The following EHBP1L1 variants were observed in gnomAD, a reference collection of about 807,000 sequenced individuals.
EHBP1L1 encodes the protein EH domain-binding protein 1-like protein 1.
EHBP1L1 carries 122 observed loss-of-function variants against 151.1 expected under a neutral mutation model. That is an observed-to-expected ratio of 0.81 (90% confidence interval 0.70 to 0.94). EHBP1L1 has a LOEUF of 0.94. EHBP1L1 is among the 40% of genes least tolerant of loss of function. EHBP1L1 has a pLI of 0.00. For synonymous variants in EHBP1L1, 878 were observed against 810.1 expected (o/e 1.08, Z -1.42); for missense variants, 1,941 against 1,959.8 (o/e 0.99, Z 0.18).
intron 4 of EHBP1L1, 41 bp from the exon 5 acceptor site, chr11:65,580,040 G>A (rs749317488): frequency 8.1e-6 from 13 of 1,613,442 alleles, no homozygotes; most frequent in East Asian, 4.5e-5. Flanking sequence ...CCCTGGGACA[G>A]CACTGATGCC....
Position 65,581,702 on chromosome 11 carries a change from C to T in EHBP1L1, c.1030C>T (p.Gln344Ter), listed in dbSNP as rs1215321059. Residue 344 changes from glutamine (Q) to a stop codon, truncating the protein, a stop_gained, in exon 9 of 19, where the codon CAG (glutamine) becomes TAG (stop). Coordinates refer to ENST00000309295, the MANE Select transcript of EHBP1L1 (RefSeq NM_001099409.3). LOFTEE classifies it high-confidence loss of function. Reference protein sequence around the residue: ...GLGSARETQAQACPQEGTEAH... With the variant: ...GLGSARETQA ...GGGCTCTGCTAGGGAGACCCAGGCC[C>T]AGGCATGCCCTCAGGAAGGGACAGA... is the stretch of plus-strand genomic sequence containing the variant. 1 of 1,582,484 alleles carries T rather than the reference C, an allele frequency of 6.3e-7. No individual in the cohort carries two copies. Among genetic ancestry groups the T allele is most frequent in the East Asian group, 2.3e-5 (1 of 43,172 alleles).
rs1454783605 is a variant in EHBP1L1, at chr11:65,589,966, C to T, written c.4034C>T (p.Pro1345Leu). ...AGTTCCCCCTCGGAGGAACCACCCC[C>T]AAGCCCAGGGGAGGAGGCTGGGCTG... ...GGSSPSEEPP[P>L]SPGEEAGLQR... The change falls in exon 14 of 19, where the codon CCA (proline) becomes CTA (leucine). Residue 1345 changes from proline (P) to leucine (L), a missense_variant. By Grantham distance (98) the Pro-to-Leu change is moderately conservative. Coordinates refer to ENST00000309295, the MANE Select transcript of EHBP1L1 (RefSeq NM_001099409.3). 2 of 1,586,086 alleles carry T rather than the reference C, an allele frequency of 1.3e-6. No individual in the cohort carries two copies. Among genetic ancestry groups the T allele is most frequent in the African/African-American group, 2.7e-5 (2 of 74,292 alleles).
At position 65,583,184 on chromosome 11, in the gene EHBP1L1, G is replaced by A. The variant is rs115317213; in HGVS notation, c.2512G>A (p.Val838Ile). 326 of 1,612,958 alleles carry A rather than the reference G, an allele frequency of 2.0e-4. 1 individual carries two copies. The African/African-American group carries it at 3.9e-3, about 19-fold the overall frequency. Residue 838 changes from valine to isoleucine, a missense_variant, in exon 9 of 19, where the codon GTA becomes ATA. By Grantham distance (29) the Val-to-Ile change is conservative. Coordinates refer to ENST00000309295, the MANE Select transcript of EHBP1L1 (RefSeq NM_001099409.3). The stretch of plus-strand genomic sequence containing the variant: ...AGGGGTCCCAGGGCTAGAATCTGAG[G>A]TAGCTGGGGCCCAGGAGACAGAGGT... ...SSGVPGLESE[V>I]AGAQETEVGG... is the part of the protein sequence containing the mutation.
Position 65,579,962 on chromosome 11 carries a change from C to G in EHBP1L1, c.285C>G (p.Ala95=), listed in dbSNP as rs778624595. The part of the protein sequence containing the change: ...YRDPHVDQYE[A]KEWTFIIENE... ...ACCCCCACGTGGACCAGTATGAGGC[C>G]AAAGAGTGGACATTTATTATTGAAA... The change falls in exon 4 of 19, where the codon GCC becomes GCG. Residue 95 remains alanine, a synonymous_variant. Coordinates refer to ENST00000309295, the MANE Select transcript of EHBP1L1 (RefSeq NM_001099409.3). 2 of 1,613,872 alleles carry G rather than the reference C, an allele frequency of 1.2e-6. No homozygotes were observed. Among genetic ancestry groups the G allele is most frequent in the Admixed American group, 3.3e-5 (2 of 60,012 alleles).
Position 65,590,583 on chromosome 11 carries a change from T to C in EHBP1L1, c.4274T>C (p.Leu1425Pro). The C allele has an allele frequency of 6.2e-7, 1 of 1,613,480 alleles. No homozygotes were observed. Among genetic ancestry groups the C allele is most frequent in the Non-Finnish European group, 8.5e-7 (1 of 1,179,820 alleles). Reference protein sequence around the residue: ...KNALIRRQDQLQLLMEEQDLE... With the variant: ...KNALIRRQDQPQLLMEEQDLE... ...GCTCTCATCCGGAGGCAGGACCAGC[T>C]GCAGCTGCTGTGAGTGCTGGCCCCG... The change falls in exon 16 of 19, where the codon CTG becomes CCG. Residue 1425 changes from leucine (L) to proline (P), a missense_variant. Leu to Pro is a moderately conservative substitution (Grantham distance 98, BLOSUM62 -3). Coordinates refer to ENST00000309295, the MANE Select transcript of EHBP1L1 (RefSeq NM_001099409.3).
chr11:65,580,843 C>T (rs1857561797), intron 6 of EHBP1L1: 2 of 1,256,590 alleles, frequency 1.6e-6, no homozygotes, highest in South Asian at 3.4e-5. Flanking sequence ...TTCCTCCCTG[C>T]TGCTTGTCCA....
chr11:65,591,766 A>AAC, intron 16 of EHBP1L1, 34 bp from the exon 17 acceptor site: 1 of 806,788 alleles, frequency 1.2e-6, no homozygotes, highest in Non-Finnish European at 2.1e-6. Flanking sequence ...CTGAACTGCC[A>AAC]CCCCCCCGCC....
chr11:65,582,612 A>G lies in EHBP1L1; in HGVS notation c.1940A>G (p.Glu647Gly). ...EVGVIETPGT[E>G]TEVLGTQKTE... ...GGGGTCATAGAGACCCCAGGGACAGAGACTGAGGTATTGGGGACCCAGAAA... is the reference window on the plus strand; with the variant it reads ...GGGGTCATAGAGACCCCAGGGACAGGGACTGAGGTATTGGGGACCCAGAAA... The change falls in exon 9 of 19, where the codon GAG (glutamate) becomes GGG (glycine). Residue 647 changes from glutamate to glycine, a missense_variant. By Grantham distance (98) the Glu-to-Gly change is moderately conservative. Transcript: ENST00000309295. The G allele has an allele frequency of 6.2e-7, 1 of 1,612,782 alleles. No homozygotes were observed. Among genetic ancestry groups the G allele is most frequent in the Non-Finnish European group, 8.5e-7 (1 of 1,179,646 alleles).
rs1166534148 is a variant in EHBP1L1 at position 65,582,535 on chromosome 11, G to A, written c.1863G>A (p.Glu621=). Residue 621 remains glutamate, a synonymous_variant, in exon 9 of 19, where the codon GAG becomes GAA. Coordinates refer to ENST00000309295, the MANE Select transcript of EHBP1L1 (RefSeq NM_001099409.3). ...EAARSRVLES[E]VAGTAQCEGL... ...CAAGATCAAGGGTCCTGGAGTCAGAGGTTGCTGGGACAGCACAGTGTGAGG... is the reference window on the plus strand; with the variant it reads ...CAAGATCAAGGGTCCTGGAGTCAGAAGTTGCTGGGACAGCACAGTGTGAGG... 6.2e-7 allele frequency: 1 copy of A among 1,613,450 alleles called. No homozygotes were observed. The highest frequency in any genetic ancestry group is 8.5e-7 in the Non-Finnish European group (1 of 1,179,850).
chr11:65,580,194 G>A lies in EHBP1L1; in HGVS notation c.426G>A (p.Val142=). 6.2e-7 allele frequency: 1 copy of A among 1,613,626 alleles called. No homozygotes were observed. The highest frequency in any genetic ancestry group is 2.2e-5 in the East Asian group (1 of 44,886). The change falls in exon 5 of 19, where the codon GTG becomes GTA. Residue 142 remains valine (V), a synonymous_variant. Coordinates refer to ENST00000309295, the MANE Select transcript of EHBP1L1 (RefSeq NM_001099409.3). The stretch of plus-strand genomic sequence containing the variant: ...GGCTGCGGCTGAAGCCAAAGTCAGT[G>A]AAGGTGGTGCAGGCTGAGCTGAGCC... The part of the protein sequence containing the change: ...PVRLRLKPKS[V]KVVQAELSLT...
chr11:65,580,451 G>A lies in EHBP1L1; in HGVS notation c.606G>A (p.Pro202=), dbSNP rs78852393. The change falls in exon 6 of 19, where the codon CCG becomes CCA. Residue 202 remains proline, a synonymous_variant. Transcript: ENST00000309295. ...ATGAGGCTCATGGCCCAGGAGCCCC[G>A]GAGGCCCGGGCTCGAGTCCCCCAGC... The part of the protein sequence containing the change: ...DEDEAHGPGA[P]EARARVPQPD... The A allele has an allele frequency of 3.9e-3, 6,326 of 1,613,128 alleles. 206 individuals carry two copies. The African/African-American group carries it at 0.071, about 18-fold the overall frequency.
Position 65,589,929 on chromosome 11 carries a change from T to C in EHBP1L1, c.4004-7T>C, listed in dbSNP as rs1349169444. 1 of 1,556,094 alleles carries C rather than the reference T, an allele frequency of 6.4e-7. No homozygotes were observed. The highest frequency in any genetic ancestry group is 1.9e-5 in the Admixed American group (1 of 52,786). ...AGGGGGTGCCTTATCATCATCTCTGTCTGCAGGTGGGAGTTCCCCCTCGGA... is the reference window on the plus strand; with the variant it reads ...AGGGGGTGCCTTATCATCATCTCTGCCTGCAGGTGGGAGTTCCCCCTCGGA... On this transcript the variant is annotated splice_region_variant and splice_polypyrimidine_tract_variant and intron_variant, in intron 13 of 18. Transcript: ENST00000309295.
At position 65,582,512 on chromosome 11, in the gene EHBP1L1, A is replaced by C. The variant is rs1441493612; in HGVS notation, c.1840A>C (p.Arg614=). The part of the protein sequence containing the change: ...ILGALEKEAA[R]SRVLESEVAG... ...GGGGGCCTTGGAGAAAGAAGCAGCA[A>C]GATCAAGGGTCCTGGAGTCAGAGGT... The change falls in exon 9 of 19, where the codon AGA becomes CGA. Residue 614 remains arginine, a synonymous_variant. Transcript: ENST00000309295. 8.1e-6 allele frequency: 13 copies of C among 1,613,270 alleles called. No homozygotes were observed.
At chr11:65,577,679 G>C (rs771281917) in intron 1 of EHBP1L1, among the ~76,000 whole-genome samples, 2 of 152,146 alleles carry the variant, frequency 1.3e-5, no homozygotes, top group Non-Finnish European at 2.9e-5. Context: ...CCCTCCCTAG[G>C]CACCCCCTGT....
chr11:65,576,308 C>G lies in EHBP1L1; in HGVS notation c.6C>G (p.Thr2=). The G allele has an allele frequency of 6.3e-7, 1 of 1,591,908 alleles. No individual in the cohort carries two copies. The highest frequency in any genetic ancestry group is 8.5e-7 in the Non-Finnish European group (1 of 1,170,642). Residue 2 remains threonine (T), a synonymous_variant, in exon 1 of 19, where the codon ACC becomes ACG. Transcript: ENST00000309295. M[T]SVWKRLQRVG... ...GCGGCGGGGTGGCGGGGGCCATGACCTCGGTGTGGAAGCGCCTGCAGCGCG... is the reference window on the plus strand; with the variant it reads ...GCGGCGGGGTGGCGGGGGCCATGACGTCGGTGTGGAAGCGCCTGCAGCGCG...
Position 65,582,649 on chromosome 11 carries a change from G to A in EHBP1L1, c.1977G>A (p.Gly659=). 1.2e-6 allele frequency: 2 copies of A among 1,613,612 alleles called. No individual in the cohort carries two copies. The highest frequency in any genetic ancestry group is 1.7e-5 in the Admixed American group (1 of 60,008). The stretch of plus-strand genomic sequence containing the variant: ...TGGGGACCCAGAAAACAGAAGCTGG[G>A]GGTTCAGGAGTTTTGCAGACAAGAA... ...EVLGTQKTEA[G]GSGVLQTRTT... The change falls in exon 9 of 19, where the codon GGG becomes GGA. Residue 659 remains glycine, a synonymous_variant. Transcript: ENST00000309295.
rs185071236 is a variant in EHBP1L1 at position 65,579,385 on chromosome 11, C to T, written c.207C>T (p.Thr69=). 1.6e-5 allele frequency: 26 copies of T among 1,578,148 alleles called. No homozygotes were observed. Among genetic ancestry groups the T allele is most frequent in the East Asian group, 6.9e-5 (3 of 43,720 alleles). The part of the protein sequence containing the change: ...QPGIQNPYRG[T]VVWMVPENVD... ...GCATCCAGAACCCATACCGGGGCAC[C>T]GTGGTGTGGATGGTACCTGAGAATG... Residue 69 remains threonine, a synonymous_variant, in exon 3 of 19, where the codon ACC becomes ACT. Transcript: ENST00000309295.
At chr11:65,591,629 C>G (rs199759707) in intron 16 of EHBP1L1, 171 bp from the exon 17 acceptor site, 1 of 651,996 alleles carries the variant, frequency 1.5e-6, no homozygotes. Flanking sequence ...AGAAGAAAAG[C>G]GATAATGTGG....
At chr11:65,584,429 G>A (rs780449958) in intron 10 of EHBP1L1, 31 bp downstream of exon 10, 2 of 1,613,484 alleles carry the variant, frequency 1.2e-6, no homozygotes, top group Admixed American at 1.7e-5. Context: ...GAACGAATGG[G>A]GGAGCCATCA....
Sources: gnomAD v4.1 joint callset for allele counts (sites outside exome capture counted in the v4.1 genomes callset) on GRCh38, gnomAD v4.1.1 for gene constraint, MANE v1.5 for transcripts, NCBI Gene and HGNC (gene_info 2026-07-23, HGNC 2026-07-21) for gene names.